Variants in CSMD1 observed in about 807,000 individuals in gnomAD.
The protein encoded by CSMD1 is CUB and Sushi multiple domains 1.
Under a neutral mutation model 417.5 loss-of-function variants are expected in CSMD1, and 213 were observed. The observed-to-expected ratio is 0.51, with a 90% CI of 0.46 to 0.57. CSMD1 has a LOEUF of 0.57. Among genes scored for constraint, CSMD1 ranks in the 20% least tolerant of loss-of-function variants. CSMD1 has a pLI of 0.00. For missense variants in CSMD1, 6,923 were observed against 4,529.7 expected, an observed-to-expected ratio of 1.53 and a Z score of -15.17; for synonymous variants, 2,862 against 1,736.8, an observed-to-expected ratio of 1.65 and a Z score of -16.11.
intron 3 of CSMD1, among the ~76,000 whole-genome samples, chr8:4,324,850 C>G (rs1404661034): frequency 6.6e-6 from 1 of 152,212 alleles, no homozygotes. Flanking sequence ...AGAGGAGGGA[C>G]TCCCATCCCA....
intron 2 of CSMD1, among the ~76,000 whole-genome samples, chr8:4,441,357 C>A (rs935062545): frequency 6.7e-6 from 1 of 149,032 alleles, no homozygotes; most frequent in Non-Finnish European, 1.5e-5. Flanking sequence ...AAGCAATCCT[C>A]CTGTCTGAGC....
At chr8:4,583,859 T>C (rs2725033) in intron 2 of CSMD1, among the ~76,000 whole-genome samples, 51,472 of 151,692 alleles carry the variant, frequency 0.34, 8,870 homozygotes, top group African/African-American at 0.38. Context: ...TGTGGAAGCT[T>C]TGTTCTTTCA....
rs541799914 is a variant in CSMD1, at chr8:4,363,275, C to G, written c.415+56678G>C. ...TTTCCATTATCACCCCTTAAAGGAG[C>G]CTTTTCAAAGTTTTTCCCTCCTGCC... On this transcript the variant is annotated intron_variant, in intron 3 of 69. Transcript: ENST00000635120. Among the ~76,000 whole-genome samples the G allele has an allele frequency of 8.5e-5, 13 of 152,262 alleles. No individual in the cohort carries two copies. In the East Asian group the frequency reaches 1.7e-3, roughly 20 times the overall value.
chr8:4,252,022 G>A (rs1284408170), intron 3 of CSMD1, among the ~76,000 whole-genome samples: 1 of 152,090 alleles, frequency 6.6e-6, no homozygotes, highest in African/African-American at 2.4e-5. Context: ...GTATTTTTGA[G>A]TTGTGTTTAC....
At chr8:3,823,632 A>C (rs1801875237) in intron 5 of CSMD1, among the ~76,000 whole-genome samples, 1 of 152,178 alleles carries the variant, frequency 6.6e-6, no homozygotes, top group South Asian at 2.1e-4. Context: ...TTTTTATAAA[A>C]ATAATGTATA....
intron 5 of CSMD1, among the ~76,000 whole-genome samples, chr8:3,905,485 C>T (rs576110421): frequency 2.6e-5 from 4 of 152,322 alleles, no homozygotes; most frequent in South Asian, 4.1e-4. Context: ...GACTTTCCTA[C>T]GTGTGAAAGA....
chr8:4,493,907 A>G (rs1204655044), intron 2 of CSMD1, among the ~76,000 whole-genome samples: 1 of 152,200 alleles, frequency 6.6e-6, no homozygotes, highest in African/African-American at 2.4e-5. Flanking sequence ...TTAAAATGAT[A>G]GACACTAACA....
chr8:4,294,254 G>A (rs149457485), intron 3 of CSMD1, among the ~76,000 whole-genome samples: 6 of 152,126 alleles, frequency 3.9e-5, no homozygotes, highest in African/African-American at 7.2e-5. Context: ...CATATAGATC[G>A]TGTGACAAAC....
intron 5 of CSMD1, among the ~76,000 whole-genome samples, chr8:3,936,003 T>C (rs1181701535): frequency 6.6e-6 from 1 of 151,894 alleles, no homozygotes; most frequent in Non-Finnish European, 1.5e-5. Flanking sequence ...TGAATGCAAA[T>C]GATAAGAAAG....
chr8:2,978,493 G>C (rs1177075656), intron 55 of CSMD1, 119 bp downstream of exon 55: 1 of 755,846 alleles, frequency 1.3e-6, no homozygotes, highest in South Asian at 2.1e-5. Context: ...CCTACAATTG[G>C]TGATGGGAGG....
chr8:2,983,007 A>T (rs935721996), intron 54 of CSMD1, among the ~76,000 whole-genome samples: 2 of 152,100 alleles, frequency 1.3e-5, no homozygotes, highest in African/African-American at 4.8e-5. Flanking sequence ...TCCTAACATA[A>T]CTTTGCAGGA....
chr8:4,205,451 A>T (rs565131866), intron 3 of CSMD1, among the ~76,000 whole-genome samples: 1 of 152,344 alleles, frequency 6.6e-6, no homozygotes, highest in East Asian at 1.9e-4. Flanking sequence ...TGATGCGCCC[A>T]TTTATATACT....
intron 21 of CSMD1, among the ~76,000 whole-genome samples, chr8:3,349,518 A>C (rs1465129053): frequency 1.3e-5 from 2 of 151,756 alleles, no homozygotes; most frequent in Admixed American, 1.3e-4. Context: ...ACAGAAAAGC[A>C]GGCTTTGGAT....
chr8:3,243,738 C>T (rs1478911048), intron 26 of CSMD1, among the ~76,000 whole-genome samples: 2 of 151,030 alleles, frequency 1.3e-5, no homozygotes, highest in East Asian at 3.9e-4. Flanking sequence ...ATGAAAATTA[C>T]AAATATTATT....
At chr8:2,973,058 T>C (rs923466135) in intron 57 of CSMD1, 59 bp downstream of exon 57, 3 of 1,527,054 alleles carry the variant, frequency 2.0e-6, no homozygotes, top group Non-Finnish European at 2.7e-6. Flanking sequence ...CCAGGCATTT[T>C]AGAACGAGCT....
chr8:3,799,594 C>G lies in CSMD1; in HGVS notation c.819-45552G>C, dbSNP rs2062073. Among the ~76,000 whole-genome samples, 742 of 151,936 alleles carry G rather than the reference C, an allele frequency of 4.9e-3. 4 individuals are homozygous for G. Among genetic ancestry groups the G allele is most frequent in the African/African-American group, 0.018 (725 of 41,426 alleles). ...TTTGAAACTGAATACATCAACTTTT[C>G]ATTGGTACAGTAAAGAAAGACCCCA... On this transcript the variant is annotated intron_variant, in intron 5 of 69. Transcript: ENST00000635120.
chr8:3,848,725 G>A (rs1169498875), intron 5 of CSMD1, among the ~76,000 whole-genome samples: 1 of 151,982 alleles, frequency 6.6e-6, no homozygotes, highest in Non-Finnish European at 1.5e-5. Context: ...AAATGCAATG[G>A]TCTTTTAGGT....
chr8:4,087,043 G>T (rs1800457481), intron 3 of CSMD1, among the ~76,000 whole-genome samples: 1 of 152,208 alleles, frequency 6.6e-6, no homozygotes, highest in African/African-American at 2.4e-5. Context: ...CCTCCCCAGT[G>T]ACTGCCTTGG....
At chr8:4,049,920 C>CG (rs57371842) in intron 3 of CSMD1, among the ~76,000 whole-genome samples, 136,668 of 152,062 alleles carry the variant, frequency 0.9, 61,549 homozygotes, top group East Asian at 0.99. Context: ...GGAATCCATT[C>CG]GGATACCACA....
Sources: allele counts gnomAD v4.1 joint callset (sites outside exome capture counted in the v4.1 genomes callset), GRCh38; gene constraint gnomAD v4.1.1; transcripts MANE v1.5; gene names NCBI Gene and HGNC (gene_info 2026-07-23, HGNC 2026-07-21).